The following CISD1 variants were observed in gnomAD, a reference collection of about 807,000 sequenced individuals.
CISD1 encodes CDGSH iron-sulfur domain-containing protein 1.
CISD1 carries 8 observed loss-of-function variants against 12.0 expected under a neutral mutation model. The observed-to-expected ratio is 0.67, with a 90% CI of 0.39 to 1.20. CISD1 has a LOEUF of 1.20. Ranked by LOEUF, CISD1 falls within the 50% of genes most tolerant of loss-of-function variation. The pLI is 0.01. For missense variants in CISD1, 107 were observed against 132.7 expected (o/e 0.81, Z 0.95); for synonymous variants, 38 against 42.2 (o/e 0.90, Z 0.39).
intron 1 of CISD1, 94 bp downstream of exon 1, chr10:58,269,398 C>T (rs1839214044): frequency 4.3e-6 from 5 of 1,158,894 alleles, no homozygotes; most frequent in African/African-American, 3.0e-5. Flanking sequence ...GCCCTACGCG[C>T]CCGCCGGTCC....
intron 1 of CISD1, among the ~76,000 whole-genome samples, chr10:58,273,196 C>T (rs1839268971): frequency 6.6e-6 from 1 of 151,812 alleles, no homozygotes; most frequent in East Asian, 1.9e-4. Flanking sequence ...AGTATAAGAG[C>T]AATGCAGTGT....
intron 2 of CISD1, among the ~76,000 whole-genome samples, chr10:58,281,562 G>A (rs1476073310): frequency 2.0e-5 from 3 of 152,176 alleles, no homozygotes. Flanking sequence ...CATTCCTGTG[G>A]TTCTAAGGTT....
intron 1 of CISD1, among the ~76,000 whole-genome samples, chr10:58,270,846 A>G (rs1204866085): frequency 6.6e-6 from 1 of 152,176 alleles, no homozygotes; most frequent in Non-Finnish European, 1.5e-5. Flanking sequence ...TTCAACTGGA[A>G]GTATTCAACT....
In CISD1 at chr10:58,272,130, A is replaced by G. The variant is rs568238295; in HGVS notation, c.31+2826A>G. 9.9e-5 allele frequency among the ~76,000 whole-genome samples: 15 copies of G among 152,002 alleles called. No homozygotes were observed. In the South Asian group the frequency reaches 2.9e-3, roughly 29 times the overall value. ...TCCAGATGCCGTTTTCTTTTGCTTAAATCTTTGCCTCAGTGATATCTGTTG... is the reference window on the plus strand; with the variant it reads ...TCCAGATGCCGTTTTCTTTTGCTTAGATCTTTGCCTCAGTGATATCTGTTG... On this transcript the variant is annotated intron_variant, in intron 1 of 2. Coordinates refer to ENST00000333926, the MANE Select transcript of CISD1 (RefSeq NM_018464.5).
chr10:58,286,915 CAG>C (rs1424030124), intron 2 of CISD1, among the ~76,000 whole-genome samples: 10 of 152,118 alleles, frequency 6.6e-5, no homozygotes, highest in African/African-American at 1.9e-4. Context: ...GCAAAAATAA[CAG>C]AGGAATAATA....
intron 2 of CISD1, among the ~76,000 whole-genome samples, chr10:58,285,521 C>T (rs541572056): frequency 6.6e-6 from 1 of 152,188 alleles, no homozygotes; most frequent in South Asian, 2.1e-4. Flanking sequence ...ACTCTAGATT[C>T]TAGAGTGTAG....
intron 1 of CISD1, among the ~76,000 whole-genome samples, chr10:58,275,151 C>T (rs758526347): frequency 6.6e-6 from 1 of 152,134 alleles, no homozygotes; most frequent in East Asian, 1.9e-4. Context: ...ATATTGCCCC[C>T]CTTTAAGTTT....
chr10:58,287,769 A>G lies in CISD1; in HGVS notation c.*119A>G. Reference sequence around the variant, plus strand: ...GGATTCTAAATGTGGTATATTGCAAACTGCAGCTTTCACATTTATGGCATT... The same window carrying G: ...GGATTCTAAATGTGGTATATTGCAAGCTGCAGCTTTCACATTTATGGCATT... On this transcript the variant is annotated 3_prime_UTR_variant, in exon 3 of 3. Transcript: ENST00000333926. 1 of 494,334 alleles carries G rather than the reference A, an allele frequency of 2.0e-6. No individual in the cohort carries two copies. Among genetic ancestry groups the G allele is most frequent in the East Asian group, 3.2e-5 (1 of 30,946 alleles). The allele number at this position is 494,334 out of a possible 1,614,324, so 30.6% of individuals were successfully genotyped here.
At chr10:58,276,455 A>G (rs900764409) in intron 1 of CISD1, among the ~76,000 whole-genome samples, 2 of 151,998 alleles carry the variant, frequency 1.3e-5, no homozygotes, top group Admixed American at 1.3e-4. Flanking sequence ...TTTAATGAGA[A>G]AACACTTTGA....
chr10:58,280,815 T>C (rs1000467390), intron 2 of CISD1, among the ~76,000 whole-genome samples: 1 of 152,216 alleles, frequency 6.6e-6, no homozygotes, highest in African/African-American at 2.4e-5. Context: ...TTCAATGATC[T>C]GGTACTGAAC....
chr10:58,287,540 A>T (rs747377462), intron 2 of CISD1, 21 bp from the exon 3 acceptor site: 5 of 1,560,770 alleles, frequency 3.2e-6, no homozygotes, highest in Non-Finnish European at 4.4e-6. Flanking sequence ...GATGTTTCAC[A>T]TTCATTCTTT....
intron 1 of CISD1, among the ~76,000 whole-genome samples, chr10:58,273,758 A>G (rs1024448327): frequency 6.6e-6 from 1 of 152,020 alleles, no homozygotes; most frequent in African/African-American, 2.4e-5. Flanking sequence ...GTGTAGATAT[A>G]AAGCATGATT....
At chr10:58,285,754 T>G (rs1261520039) in intron 2 of CISD1, among the ~76,000 whole-genome samples, 2 of 152,188 alleles carry the variant, frequency 1.3e-5, no homozygotes, top group Non-Finnish European at 2.9e-5. Flanking sequence ...AGCAAGAATG[T>G]TCAGATATGA....
At chr10:58,276,366 T>G (rs1018245476) in intron 1 of CISD1, among the ~76,000 whole-genome samples, 17 of 151,850 alleles carry the variant, frequency 1.1e-4, no homozygotes, top group African/African-American at 3.9e-4. Context: ...ATATTTAGAA[T>G]TTATTAAATG....
rs1271856642 is a variant in CISD1 at position 58,285,990 on chromosome 10, G to A, written c.238-1571G>A. On this transcript the variant is annotated intron_variant, in intron 2 of 2. Coordinates refer to ENST00000333926, the MANE Select transcript of CISD1 (RefSeq NM_018464.5). ...GGAGGCCGAGGCAGGCGGATCACGAGGTCAGGAGATCGAGACCATCCTGGC... is the reference window on the plus strand; with the variant it reads ...GGAGGCCGAGGCAGGCGGATCACGAAGTCAGGAGATCGAGACCATCCTGGC... Among the ~76,000 whole-genome samples the A allele has an allele frequency of 2.6e-5, 4 of 152,180 alleles. No individual in the cohort carries two copies. In the East Asian group the frequency reaches 7.7e-4, roughly 29 times the overall value.
chr10:58,272,183 A>G (rs182334498), intron 1 of CISD1, among the ~76,000 whole-genome samples: 4 of 149,806 alleles, frequency 2.7e-5, no homozygotes, highest in Admixed American at 6.7e-5. Context: ...CCTCATAAAG[A>G]TTTTCTTCAG....
intron 1 of CISD1, among the ~76,000 whole-genome samples, chr10:58,276,747 CTT>C (rs72357438): frequency 3.1e-5 from 4 of 130,712 alleles, no homozygotes; most frequent in Non-Finnish European, 3.3e-5. Context: ...TGTTTCGGGG[CTT>C]TTTTTTTTTT....
chr10:58,285,331 G>A (rs2790191), intron 2 of CISD1, among the ~76,000 whole-genome samples: 51,496 of 152,012 alleles, frequency 0.34, 10,967 homozygotes, highest in African/African-American at 0.61. Context: ...ACATTAAGTA[G>A]CCTTTTGGAT....
chr10:58,278,912 G>A (rs1356196644), intron 2 of CISD1, among the ~76,000 whole-genome samples: 2 of 152,212 alleles, frequency 1.3e-5, no homozygotes, highest in East Asian at 3.9e-4. Context: ...CCCCCCAGCT[G>A]CTGATGTAGG....
Sources: gnomAD v4.1 joint callset for allele counts (sites outside exome capture counted in the v4.1 genomes callset) on GRCh38, gnomAD v4.1.1 for gene constraint, MANE v1.5 for transcripts, NCBI Gene and HGNC (gene_info 2026-07-23, HGNC 2026-07-21) for gene names.